SAMD5: variants seen among roughly 807,000 people sequenced by gnomAD.
The protein encoded by SAMD5 is sterile alpha motif domain containing 5.
SAMD5 carries 13 observed loss-of-function variants against 11.3 expected under a neutral mutation model. That is an observed-to-expected ratio of 1.15 (90% CI 0.75 to 1.83). The LOEUF (loss-of-function observed/expected upper bound fraction) is 1.83, where lower values mean the gene tolerates loss of function less well. Among genes scored for constraint, SAMD5 ranks in the 40% most tolerant of loss-of-function variants. The pLI is 0.00. For synonymous variants in SAMD5, 129 were observed against 111.3 expected (o/e 1.16, Z -1.00); for missense variants, 255 against 239.1 (o/e 1.07, Z -0.44).
At chr6:147,914,403 C>T in the SAMD5 span, among the ~76,000 whole-genome samples, 1 of 151,954 alleles carries the variant, frequency 6.6e-6, no homozygotes, top group Non-Finnish European at 1.5e-5. Context: ...TTTGTTTTGA[C>T]CAGAGCTGGG....
the SAMD5 span, among the ~76,000 whole-genome samples, chr6:147,751,756 G>A: frequency 6.6e-6 from 1 of 152,174 alleles, no homozygotes; most frequent in Non-Finnish European, 1.5e-5. Flanking sequence ...CTGCTGGTGA[G>A]ACGCTAACTC....
At chr6:147,528,115 C>T (rs775311282) in intron 1 of SAMD5, among the ~76,000 whole-genome samples, 13 of 152,174 alleles carry the variant, frequency 8.5e-5, no homozygotes, top group Non-Finnish European at 1.8e-4. Flanking sequence ...CACCGGGCTC[C>T]ACCTCCAACA....
chr6:147,810,161 A>C, the SAMD5 span, among the ~76,000 whole-genome samples: 1 of 152,224 alleles, frequency 6.6e-6, no homozygotes, highest in Non-Finnish European at 1.5e-5. Flanking sequence ...TAATGTAATT[A>C]TTAATTCCCT....
chr6:147,611,809 C>T (rs1032517848), intron 1 of SAMD5, among the ~76,000 whole-genome samples: 1 of 152,148 alleles, frequency 6.6e-6, no homozygotes, highest in Non-Finnish European at 1.5e-5. Context: ...CAGAATCTCA[C>T]TCAGGGAGGT....
intron 1 of SAMD5, among the ~76,000 whole-genome samples, chr6:147,717,900 G>A (rs1207243854): frequency 1.3e-5 from 2 of 151,916 alleles, no homozygotes; most frequent in Non-Finnish European, 2.9e-5. Context: ...ACTGCCTTCT[G>A]ATATGCCACC....
chr6:147,810,130 C>A, the SAMD5 span, among the ~76,000 whole-genome samples: 1 of 152,126 alleles, frequency 6.6e-6, no homozygotes, highest in Admixed American at 6.5e-5. Context: ...TCTAGAAGAC[C>A]TTTTACGATG....
At chr6:147,743,549 A>T in the SAMD5 span, among the ~76,000 whole-genome samples, 2 of 152,156 alleles carry the variant, frequency 1.3e-5, no homozygotes, top group Non-Finnish European at 2.9e-5. Flanking sequence ...TTCACATACT[A>T]TAGATTGTTT....
At chr6:147,672,179 G>T (rs1243177778) in intron 1 of SAMD5, among the ~76,000 whole-genome samples, 1 of 151,470 alleles carries the variant, frequency 6.6e-6, no homozygotes, top group Non-Finnish European at 1.5e-5. Context: ...TATACTTTTT[G>T]CCATTATTGT....
At chr6:147,914,453 C>T in the SAMD5 span, among the ~76,000 whole-genome samples, 1 of 152,056 alleles carries the variant, frequency 6.6e-6, no homozygotes, top group Non-Finnish European at 1.5e-5. Flanking sequence ...ACTAATTACA[C>T]AGAATTGGAA....
the SAMD5 span, among the ~76,000 whole-genome samples, chr6:147,846,668 A>T: frequency 6.6e-6 from 1 of 152,192 alleles, no homozygotes; most frequent in Admixed American, 6.5e-5. Context: ...AAAAATACAA[A>T]AATTAGCCTG....
intron 1 of SAMD5, among the ~76,000 whole-genome samples, chr6:147,646,466 G>A (rs911270716): frequency 1.3e-5 from 2 of 152,084 alleles, no homozygotes; most frequent in African/African-American, 4.8e-5. Context: ...GATTTCGATT[G>A]GCCTGTTTAT....
rs3032052 is a variant in SAMD5 at position 147,583,818 on chromosome 6, A to AACACACACACACACACAC, written c.162+74439_162+74456dup. Among the ~76,000 whole-genome samples, 226 of 149,490 alleles carry AACACACACACACACACAC rather than the reference A, an allele frequency of 1.5e-3. No individual in the cohort carries two copies. In the Middle Eastern group the frequency reaches 0.021, roughly 14 times the overall value. ...AAAAGGGAAAAAAGTGGAATTTTCA[A>AACACACACACACACACAC]ACACACACACACACACACACACACA... is the stretch of plus-strand genomic sequence containing the variant. On this transcript the variant is annotated intron_variant, in intron 1 of 1. Transcript: ENST00000566741.
downstream of SAMD5, among the ~76,000 whole-genome samples, chr6:147,571,791 T>TA (rs903270742): frequency 3.3e-5 from 5 of 152,170 alleles, no homozygotes; most frequent in African/African-American, 7.2e-5. Flanking sequence ...ACATTTAATT[T>TA]AAAAAAATCC....
intron 1 of SAMD5, among the ~76,000 whole-genome samples, chr6:147,654,638 GC>G: frequency 6.6e-6 from 1 of 151,860 alleles, no homozygotes. Context: ...TCCTGCTGCC[GC>G]TGCTGCTGCT....
At chr6:147,919,003 A>G in the SAMD5 span, among the ~76,000 whole-genome samples, 1 of 152,064 alleles carries the variant, frequency 6.6e-6, no homozygotes, top group Non-Finnish European at 1.5e-5. Flanking sequence ...CAAGAATTGC[A>G]TTTTCTAACT....
chr6:147,567,350 A>G lies in SAMD5; in HGVS notation c.*2894A>G. On this transcript the variant is annotated 3_prime_UTR_variant, in exon 2 of 2. Coordinates refer to ENST00000367474, the MANE Select transcript of SAMD5 (RefSeq NM_001030060.3). ...GCATCTTGGTGTTATGCAATAAACA[A>G]TGACAACAACAAGCATTGAGCTTTC... 2.0e-6 allele frequency: 2 copies of G among 985,188 alleles called. No homozygotes were observed. Among genetic ancestry groups the G allele is most frequent in the South Asian group, 4.7e-5 (1 of 21,288 alleles). The allele number at this position is 985,188 out of a possible 1,614,324, so 61.0% of individuals were successfully genotyped here.
At chr6:147,806,894 AAG>A in the SAMD5 span, among the ~76,000 whole-genome samples, 1 of 152,138 alleles carries the variant, frequency 6.6e-6, no homozygotes, top group Non-Finnish European at 1.5e-5. Context: ...GTGGCCTTGT[AAG>A]AGACATCAAA....
chr6:147,691,935 A>G (rs550215541), intron 1 of SAMD5, among the ~76,000 whole-genome samples: 107 of 152,028 alleles, frequency 7.0e-4, no homozygotes, highest in South Asian at 1.5e-3. Context: ...TTGAAGAGTT[A>G]CAGCCTCATT....
At chr6:147,528,175 C>A (rs979626556) in intron 1 of SAMD5, among the ~76,000 whole-genome samples, 1 of 152,144 alleles carries the variant, frequency 6.6e-6, no homozygotes, top group Admixed American at 6.5e-5. Context: ...AGATCCAAAC[C>A]GTATCACTCA....
Sources: gnomAD v4.1 joint callset for allele counts (sites outside exome capture counted in the v4.1 genomes callset) on GRCh38, gnomAD v4.1.1 for gene constraint, MANE v1.5 for transcripts, NCBI Gene and HGNC (gene_info 2026-07-23, HGNC 2026-07-21) for gene names.